The following SEMA3A variants were observed in gnomAD, a reference collection of about 807,000 sequenced individuals.
The protein encoded by SEMA3A is semaphorin 3A, also known as semaphorin-3A.
Under a neutral mutation model 97.9 loss-of-function variants are expected in SEMA3A, and 29 were observed. The observed-to-expected ratio is 0.30, with a 90% CI of 0.22 to 0.40. The LOEUF (loss-of-function observed/expected upper bound fraction) is 0.40. Among genes scored for constraint, SEMA3A ranks in the 10% least tolerant of loss-of-function variants. The pLI, the probability that SEMA3A is intolerant of heterozygous loss-of-function variation, is 1.00. For synonymous variants in SEMA3A, 321 were observed against 323.7 expected, an observed-to-expected ratio of 0.99 and a Z score of 0.09; for missense variants, 763 against 951.3, an observed-to-expected ratio of 0.80 and a Z score of 2.60.
chr7:83,981,218 C>G (rs574334384), intron 14 of SEMA3A, 103 bp downstream of exon 14: 1 of 1,274,250 alleles, frequency 7.8e-7, no homozygotes, highest in African/African-American at 1.5e-5. Context: ...TCTTTTTATT[C>G]ATTAGAAAAA....
intron 6 of SEMA3A, among the ~76,000 whole-genome samples, chr7:84,045,900 A>G (rs1792329439): frequency 1.3e-5 from 2 of 151,950 alleles, no homozygotes; most frequent in Admixed American, 6.6e-5. Context: ...TCACACTGCA[A>G]TAACATTCAA....
chr7:83,987,336 C>T (rs932303114), intron 12 of SEMA3A, among the ~76,000 whole-genome samples: 15 of 152,050 alleles, frequency 9.9e-5, no homozygotes, highest in Admixed American at 2.6e-4. Context: ...AATGACTCTC[C>T]AAATTGTCCA....
chr7:84,044,006 A>G (rs1189889796), intron 6 of SEMA3A, among the ~76,000 whole-genome samples: 1 of 151,918 alleles, frequency 6.6e-6, no homozygotes, highest in East Asian at 1.9e-4. Context: ...ACTCTCCTTT[A>G]TGTTATTCCA....
intron 1 of SEMA3A, among the ~76,000 whole-genome samples, chr7:84,473,392 A>ATATTAT (rs1185160670): frequency 3.4e-5 from 5 of 147,358 alleles, no homozygotes; most frequent in African/African-American, 1.2e-4. Context: ...TATTATTATA[A>ATATTAT]TATTATTATT....
At chr7:84,022,793 C>A (rs1484783372) in intron 6 of SEMA3A, among the ~76,000 whole-genome samples, 1 of 152,158 alleles carries the variant, frequency 6.6e-6, no homozygotes, top group Non-Finnish European at 1.5e-5. Context: ...CTTGCATCTG[C>A]ATAGCTTAAG....
At chr7:84,386,211 A>G (rs1340092639) in intron 1 of SEMA3A, among the ~76,000 whole-genome samples, 5 of 152,208 alleles carry the variant, frequency 3.3e-5, no homozygotes, top group Non-Finnish European at 5.9e-5. Flanking sequence ...TGGGTTAGTT[A>G]GAAACAAAAA....
intron 2 of SEMA3A, among the ~76,000 whole-genome samples, chr7:84,362,775 A>G (rs1562920106): frequency 6.6e-6 from 1 of 151,972 alleles, no homozygotes; most frequent in Admixed American, 6.6e-5. Context: ...AGAGTATGGG[A>G]AGGCAGAATA....
rs182519445 is a variant in SEMA3A at position 84,273,958 on chromosome 7, A to G, written c.-83+33249T>C. Among the ~76,000 whole-genome samples, 13 of 152,122 alleles carry G rather than the reference A, an allele frequency of 8.5e-5. No individual in the cohort carries two copies. In the East Asian group the frequency reaches 2.3e-3, roughly 27 times the overall value. ...GCATTCTCCAAAATTTGTTAATCTT[A>G]TTCTTTTCAGTTTAAATAAAAAATA... On this transcript the variant is annotated intron_variant, in intron 3 of 3. Transcript: ENST00000424555.
intron 5 of SEMA3A, among the ~76,000 whole-genome samples, chr7:84,048,476 C>T (rs73187464): frequency 0.048 from 7,334 of 151,872 alleles, 288 homozygotes; most frequent in East Asian, 0.19. Context: ...TATTTTTAAA[C>T]ATCAGGTGAA....
intron 4 of SEMA3A, among the ~76,000 whole-genome samples, chr7:84,071,491 T>G (rs146120305): frequency 6.6e-6 from 1 of 152,104 alleles, no homozygotes; most frequent in Non-Finnish European, 1.5e-5. Flanking sequence ...GCAGGACAGA[T>G]GAAAAAATAC....
At chr7:84,476,068 T>A (rs958526364) in intron 1 of SEMA3A, among the ~76,000 whole-genome samples, 1 of 151,988 alleles carries the variant, frequency 6.6e-6, no homozygotes, top group Admixed American at 6.6e-5. Context: ...GTTTAAAAAT[T>A]TTTTTTGGCC....
intron 1 of SEMA3A, among the ~76,000 whole-genome samples, chr7:84,460,963 A>G (rs1412867665): frequency 2.0e-5 from 3 of 152,186 alleles, no homozygotes; most frequent in Non-Finnish European, 4.4e-5. Flanking sequence ...TTACATTTCA[A>G]ACCAAGATAA....
At chr7:84,104,441 A>C (rs1036549866) in intron 4 of SEMA3A, among the ~76,000 whole-genome samples, 1 of 152,138 alleles carries the variant, frequency 6.6e-6, no homozygotes, top group African/African-American at 2.4e-5. Context: ...AAAGCTGTCA[A>C]GTATTATCAG....
Position 84,228,099 on chromosome 7 carries a change from T to C in SEMA3A, c.-82-33431A>G, listed in dbSNP as rs6970713. Reference sequence around the variant, plus strand: ...GGGTTGGGTTGGCTGGGTGCAGAGATGTGGCAACATAGATGTACTCTAAAA... The same window carrying C: ...GGGTTGGGTTGGCTGGGTGCAGAGACGTGGCAACATAGATGTACTCTAAAA... On this transcript the variant is annotated intron_variant, in intron 3 of 3. Transcript: ENST00000424555. Among the ~76,000 whole-genome samples the C allele has an allele frequency of 6.8e-3, 1,037 of 152,110 alleles. 4 individuals carry two copies. The highest frequency in any genetic ancestry group is 0.011 in the Non-Finnish European group (753 of 67,996).
In SEMA3A at chr7:83,981,435, G is replaced by C. The variant is rs1789412692; in HGVS notation, c.1538C>G (p.Pro513Arg). Residue 513 changes from proline to arginine, a missense_variant, in exon 14 of 17, where the codon CCT (proline) becomes CGT (arginine). By Grantham distance (103) the Pro-to-Arg change is moderately radical. This residue lies in a region of SEMA3A where 678 missense variants were observed against 881.3 expected (regional missense o/e 0.77). Transcript: ENST00000265362. ...IGSTAGVAQL[P>R]LHRCDIYGKA... ...CCCGTAAATATCACACCGGTGTAAA[G>C]GGAGCTGGGCAACCCCAGCCGTTGA... The C allele has an allele frequency of 6.2e-7, 1 of 1,613,520 alleles. No individual in the cohort carries two copies. Among genetic ancestry groups the C allele is most frequent in the African/African-American group, 1.3e-5 (1 of 74,920 alleles).
At chr7:84,218,177 T>C (rs1244921431) in intron 3 of SEMA3A, among the ~76,000 whole-genome samples, 3 of 152,128 alleles carry the variant, frequency 2.0e-5, no homozygotes, top group Non-Finnish European at 4.4e-5. Flanking sequence ...ATTGTTTATA[T>C]TCAAAATCCT....
chr7:84,478,396 T>A (rs891987838), intron 1 of SEMA3A, among the ~76,000 whole-genome samples: 3 of 152,190 alleles, frequency 2.0e-5, no homozygotes, highest in Non-Finnish European at 4.4e-5. Flanking sequence ...TAATTGCATA[T>A]AAAATTACAT....
At chr7:84,481,863 T>C (rs879497989) in intron 1 of SEMA3A, among the ~76,000 whole-genome samples, 1 of 151,832 alleles carries the variant, frequency 6.6e-6, no homozygotes, top group Non-Finnish European at 1.5e-5. Flanking sequence ...GCCCTCATTT[T>C]TCAATATTCA....
At chr7:84,144,645 C>G (rs998770262) in intron 1 of SEMA3A, among the ~76,000 whole-genome samples, 3 of 152,104 alleles carry the variant, frequency 2.0e-5, no homozygotes, top group African/African-American at 4.8e-5. Flanking sequence ...TGCCCCCAAA[C>G]AGAAAAGCAA....
Sources: gnomAD v4.1 joint callset for allele counts (sites outside exome capture counted in the v4.1 genomes callset) on GRCh38, gnomAD v4.1.1 for gene constraint, gnomAD v4.1.1 regional missense constraint, MANE v1.5 for transcripts, NCBI Gene and HGNC (gene_info 2026-07-23, HGNC 2026-07-21) for gene names.